TENT5D: variants seen among roughly 807,000 people sequenced by gnomAD.
TENT5D encodes cancer/testis antigen 112.
For synonymous variants in TENT5D, 103 were observed against 100.6 expected, an observed-to-expected ratio of 1.02 and a Z score of -0.15; for missense variants, 191 against 287.0, an observed-to-expected ratio of 0.67 and a Z score of 2.42.
intron 3 of TENT5D, among the ~76,000 whole-genome samples, chrX:80,407,546 G>A (rs1363817553): frequency 9.3e-5 from 10 of 107,730 alleles, no homozygotes; most frequent in Non-Finnish European, 1.9e-4. Flanking sequence ...AACAAGAAGA[G>A]CTAACTATCC....
chrX:80,366,673 C>T (rs1930517831), intron 3 of TENT5D, among the ~76,000 whole-genome samples: 1 of 111,260 alleles, frequency 9.0e-6, no homozygotes, highest in Non-Finnish European at 1.9e-5. Flanking sequence ...CATTTTCCCA[C>T]TTAATCATCA....
At chrX:80,354,110 C>T (rs987038587) in intron 3 of TENT5D, among the ~76,000 whole-genome samples, 1 of 110,901 alleles carries the variant, frequency 9.0e-6, no homozygotes, top group Admixed American at 9.6e-5. Context: ...GTCTGTGACC[C>T]GTCAGTTTTT....
chrX:80,367,374 A>G (rs1215700449), intron 3 of TENT5D, among the ~76,000 whole-genome samples: 2 of 111,557 alleles, frequency 1.8e-5, no homozygotes, highest in African/African-American at 6.5e-5. Flanking sequence ...GAGAAAAGGG[A>G]ACATTCGTAC....
At chrX:80,357,661 C>A (rs898508861) in intron 3 of TENT5D, among the ~76,000 whole-genome samples, 2 of 110,889 alleles carry the variant, frequency 1.8e-5, no homozygotes, top group African/African-American at 6.6e-5. Context: ...TGGATATTAG[C>A]CCTTTGTCAG....
At position 80,356,809 on chromosome X, in the gene TENT5D, G is replaced by A. The variant is rs1337566264; in HGVS notation, c.-142+14245G>A. On this transcript the variant is annotated intron_variant, in intron 3 of 4. Coordinates refer to the TENT5D transcript ENST00000538312. The stretch of plus-strand genomic sequence containing the variant: ...AAGTTTTAGGGTACATGTGCACAAC[G>A]TGCAGGTTTGTTACACATGTATACA... 2.0e-4 allele frequency among the ~76,000 whole-genome samples: 22 copies of A among 110,843 alleles called. No individual in the cohort carries two copies. In the Admixed American group the frequency reaches 2.1e-3, roughly 11 times the overall value.
At chrX:80,339,438 T>C (rs756247477) in intron 2 of TENT5D, among the ~76,000 whole-genome samples, 143 of 111,620 alleles carry the variant, frequency 1.3e-3, no homozygotes, top group Non-Finnish European at 1.8e-3. Context: ...GAGTACACTT[T>C]GCTGGTTTCA....
intron 3 of TENT5D, among the ~76,000 whole-genome samples, chrX:80,358,149 T>C (rs761316013): frequency 1.9e-4 from 21 of 111,666 alleles, no homozygotes; most frequent in African/African-American, 6.2e-4. Flanking sequence ...CCTTACACCT[T>C]ATACAAAAAT....
At chrX:80,396,709 A>G (rs935860714) in intron 3 of TENT5D, among the ~76,000 whole-genome samples, 9 of 104,178 alleles carry the variant, frequency 8.6e-5, no homozygotes, top group East Asian at 6.2e-4. Context: ...CGATTTCTCA[A>G]TCTTTTCCCC....
At position 80,343,391 on chromosome X, in the gene TENT5D, CTT is replaced by C. The variant is rs775221687; in HGVS notation, c.-142+845_-142+846del. Among the ~76,000 whole-genome samples, 785 of 83,285 alleles carry C rather than the reference CTT, an allele frequency of 9.4e-3. 12 individuals carry two copies. The highest frequency in any genetic ancestry group is 0.031 in the African/African-American group (698 of 22,192). 72.3% of individuals were successfully genotyped at this position (83,285 alleles called of 115,157 possible). ...TCTTTAGGACCAGGTCATTTTATTT[CTT>C]TTTTTTTTTTTTTTTTTGTCTGAGA... On this transcript the variant is annotated intron_variant, in intron 3 of 4. Transcript: ENST00000538312.
intron 2 of TENT5D, among the ~76,000 whole-genome samples, chrX:80,337,295 A>T (rs1445131578): frequency 8.9e-6 from 1 of 111,882 alleles, no homozygotes; most frequent in Non-Finnish European, 1.9e-5. Context: ...CTTGTGAACT[A>T]TCACCCAATT....
chrX:80,339,323 G>T (rs1054350611), intron 2 of TENT5D, among the ~76,000 whole-genome samples: 3 of 111,408 alleles, frequency 2.7e-5, no homozygotes, highest in East Asian at 2.8e-4. Context: ...TTTCTAGTTT[G>T]TATATGAAGA....
At chrX:80,340,092 G>A (rs1030112493) in intron 2 of TENT5D, among the ~76,000 whole-genome samples, 6 of 110,883 alleles carry the variant, frequency 5.4e-5, no homozygotes, top group African/African-American at 2.0e-4. Context: ...AGATACTTTA[G>A]GGATAATTCC....
At chrX:80,431,450 G>T (rs1164690391) in intron 1 of TENT5D, among the ~76,000 whole-genome samples, 1 of 111,958 alleles carries the variant, frequency 8.9e-6, no homozygotes, top group Middle Eastern at 4.2e-3. Context: ...GTTAGAAAGA[G>T]AGTTTTAGGG....
intron 3 of TENT5D, among the ~76,000 whole-genome samples, chrX:80,362,205 C>A (rs1930421314): frequency 9.0e-6 from 1 of 110,598 alleles, no homozygotes; most frequent in South Asian, 3.9e-4. Flanking sequence ...GCTCTGTTGC[C>A]CAGGATGGAG....
intron 3 of TENT5D, among the ~76,000 whole-genome samples, chrX:80,353,587 A>T (rs1199998145): frequency 8.9e-6 from 1 of 111,938 alleles, no homozygotes; most frequent in Admixed American, 9.5e-5. Context: ...AGCTCCATCC[A>T]TGTTGCTGCA....
At chrX:80,341,654 T>C (rs1453052683) in intron 2 of TENT5D, among the ~76,000 whole-genome samples, 4 of 111,540 alleles carry the variant, frequency 3.6e-5, no homozygotes, top group Non-Finnish European at 7.5e-5. Flanking sequence ...AACCTCAGAA[T>C]TGTAAAAACC....
At chrX:80,396,316 CACAG>C (rs1423764919) in intron 3 of TENT5D, among the ~76,000 whole-genome samples, 2 of 108,686 alleles carry the variant, frequency 1.8e-5, no homozygotes, top group Admixed American at 2.0e-4. Context: ...GGGTGTTTCT[CACAG>C]AGGGGGATTT....
chrX:80,382,455 TGAG>T (rs1930885954), intron 3 of TENT5D, among the ~76,000 whole-genome samples: 4 of 112,051 alleles, frequency 3.6e-5, no homozygotes, highest in Non-Finnish European at 3.8e-5. Flanking sequence ...GGGACCCACT[TGAG>T]GAGGCAGTCC....
intron 3 of TENT5D, among the ~76,000 whole-genome samples, chrX:80,382,321 A>G (rs1930882918): frequency 9.0e-6 from 1 of 111,542 alleles, no homozygotes. Flanking sequence ...AACAGCAAAT[A>G]TTGCTGCCTG....
Sources: allele counts gnomAD v4.1 joint callset (sites outside exome capture counted in the v4.1 genomes callset), GRCh38; gene constraint gnomAD v4.1.1; transcripts MANE v1.5; gene names NCBI Gene and HGNC (gene_info 2026-07-23, HGNC 2026-07-21).